The following RBPJ variants were observed in gnomAD, a reference collection of about 807,000 sequenced individuals.
RBPJ encodes the protein recombining binding protein suppressor of hairless.
Under a neutral mutation model 67.8 loss-of-function variants are expected in RBPJ, and 9 were observed. The observed-to-expected ratio is 0.13, with a 90% CI of 0.08 to 0.23. The LOEUF (loss-of-function observed/expected upper bound fraction) is 0.23, where lower values mean the gene tolerates loss of function less well. Among genes scored for constraint, RBPJ ranks in the 10% least tolerant of loss-of-function variants. The probability of loss-of-function intolerance (pLI) is 1.00; values close to 1 mark genes in which losing one functional copy is unlikely to be tolerated. For synonymous variants in RBPJ, 198 were observed against 203.3 expected, an observed-to-expected ratio of 0.97 and a Z score of 0.22; for missense variants, 305 against 595.6, an observed-to-expected ratio of 0.51 and a Z score of 5.08.
the RBPJ span, among the ~76,000 whole-genome samples, chr4:26,145,028 C>CTTTT: frequency 6.8e-5 from 10 of 146,678 alleles, no homozygotes; most frequent in African/African-American, 1.5e-4. Context: ...TCTTCTTCTT[C>CTTTT]TTTTTTTTTT....
intron 1 of RBPJ, among the ~76,000 whole-genome samples, chr4:26,273,362 TA>T (rs1389373164): frequency 1.3e-5 from 2 of 152,234 alleles, no homozygotes; most frequent in African/African-American, 4.8e-5. Flanking sequence ...TACCACTTTA[TA>T]AAATTCAAAT....
intron 1 of RBPJ, among the ~76,000 whole-genome samples, chr4:26,241,759 G>A (rs181310785): frequency 4.6e-4 from 70 of 152,072 alleles, no homozygotes; most frequent in African/African-American, 1.6e-3. Flanking sequence ...TGATCTGCCC[G>A]CCCAGACCTC....
At chr4:26,219,410 T>G (rs1195771298) in intron 1 of RBPJ, among the ~76,000 whole-genome samples, 3 of 152,220 alleles carry the variant, frequency 2.0e-5, no homozygotes, top group African/African-American at 4.8e-5. Flanking sequence ...TGGTGCTATC[T>G]CCTGTCACTG....
intron 1 of RBPJ, among the ~76,000 whole-genome samples, chr4:26,361,663 T>C (rs1728075073): frequency 1.3e-5 from 2 of 152,218 alleles, no homozygotes; most frequent in African/African-American, 2.4e-5. Context: ...AATATATTTA[T>C]TGATCAGTTA....
At chr4:26,375,521 G>C (rs749948648) in intron 1 of RBPJ, among the ~76,000 whole-genome samples, 4 of 152,194 alleles carry the variant, frequency 2.6e-5, no homozygotes, top group Non-Finnish European at 4.4e-5. Flanking sequence ...CAGAATCTAG[G>C]AGAACAGTTA....
chr4:26,255,286 C>T (rs1333098825), intron 1 of RBPJ, among the ~76,000 whole-genome samples: 8 of 135,620 alleles, frequency 5.9e-5, no homozygotes, highest in East Asian at 2.2e-4. Context: ...CGCCTGTAGT[C>T]CCAGCTACTC....
At chr4:26,324,891 CTG>C (rs1187121244) in intron 1 of RBPJ, among the ~76,000 whole-genome samples, 12 of 152,178 alleles carry the variant, frequency 7.9e-5, no homozygotes, top group Admixed American at 7.2e-4. Context: ...TAAGCCAAGT[CTG>C]TTAATAGCAG....
intron 1 of RBPJ, among the ~76,000 whole-genome samples, chr4:26,360,913 T>C (rs1000655716): frequency 4.0e-5 from 6 of 150,986 alleles, no homozygotes; most frequent in African/African-American, 1.5e-4. Flanking sequence ...CCCGGCCTCA[T>C]AGGGTTTTTA....
chr4:26,240,181 A>C (rs753898125), intron 1 of RBPJ, among the ~76,000 whole-genome samples: 2 of 152,176 alleles, frequency 1.3e-5, no homozygotes, highest in African/African-American at 2.4e-5. Context: ...CTATACCCCA[A>C]CATCGCATGA....
chr4:26,351,335 T>G (rs1726779011), intron 1 of RBPJ, among the ~76,000 whole-genome samples: 1 of 152,074 alleles, frequency 6.6e-6, no homozygotes, highest in African/African-American at 2.4e-5. Context: ...GACACAGAAG[T>G]TTTTGATCAC....
intron 3 of RBPJ, among the ~76,000 whole-genome samples, chr4:26,410,942 A>G (rs1733949709): frequency 6.6e-6 from 1 of 152,236 alleles, no homozygotes; most frequent in African/African-American, 2.4e-5. Flanking sequence ...GCTGCTAGGG[A>G]AGATGAGAAA....
Position 26,237,103 on chromosome 4 carries a change from C to A in RBPJ, c.-167+73489C>A, listed in dbSNP as rs1340939146. On this transcript the variant is annotated intron_variant, in intron 1 of 4. Transcript: ENST00000512351. ...CATCTGGGTGCCGGGCTCCTGAGTA[C>A]CAACAGCAGCTGGTTGGCCCTGGCA... Among the ~76,000 whole-genome samples, 4 of 152,218 alleles carry A rather than the reference C, an allele frequency of 2.6e-5. No individual in the cohort carries two copies. In the East Asian group the frequency reaches 5.8e-4, roughly 22 times the overall value.
upstream of RBPJ, among the ~76,000 whole-genome samples, chr4:26,161,553 C>A (rs532984405): frequency 8.5e-5 from 13 of 152,356 alleles, no homozygotes; most frequent in Admixed American, 7.2e-4. Flanking sequence ...CAGCTACACA[C>A]TGACCCAGAT....
At chr4:26,349,604 C>T (rs1005721197) in intron 1 of RBPJ, among the ~76,000 whole-genome samples, 1 of 152,216 alleles carries the variant, frequency 6.6e-6, no homozygotes, top group African/African-American at 2.4e-5. Flanking sequence ...TAGCATACTA[C>T]AGGCAGCTAT....
rs541798162 is a variant in RBPJ, at chr4:26,310,911, C to G, written c.-166-51535C>G. 1.3e-5 allele frequency among the ~76,000 whole-genome samples: 2 copies of G among 152,216 alleles called. 1 individual carries two copies. Among genetic ancestry groups the G allele is most frequent in the East Asian group, 3.9e-4 (2 of 5,162 alleles). ...TCTTGAACTCCTGACCTCACGTGATCCGCCCGCCTCAGCGTCCCCAAGTGC... is the reference window on the plus strand; with the variant it reads ...TCTTGAACTCCTGACCTCACGTGATGCGCCCGCCTCAGCGTCCCCAAGTGC... On this transcript the variant is annotated intron_variant, in intron 1 of 4. Coordinates refer to the RBPJ transcript ENST00000512351.
chr4:26,318,141 AC>A, upstream of RBPJ, among the ~76,000 whole-genome samples: 1 of 152,192 alleles, frequency 6.6e-6, no homozygotes, highest in East Asian at 1.9e-4. Context: ...ACACACACAC[AC>A]ACACACACCC....
At chr4:26,147,954 T>C in the RBPJ span, among the ~76,000 whole-genome samples, 4 of 152,302 alleles carry the variant, frequency 2.6e-5, no homozygotes, top group South Asian at 8.3e-4. Flanking sequence ...TTGTTAGAAA[T>C]GCACATTTCA....
chr4:26,380,594 C>T (rs533200646), intron 1 of RBPJ, among the ~76,000 whole-genome samples: 18 of 152,118 alleles, frequency 1.2e-4, no homozygotes, highest in African/African-American at 4.3e-4. Context: ...TTTTCTTCTT[C>T]TGGTTCATAT....
intron 1 of RBPJ, among the ~76,000 whole-genome samples, chr4:26,369,159 C>G (rs1172355466): frequency 6.6e-6 from 1 of 152,192 alleles, no homozygotes; most frequent in Non-Finnish European, 1.5e-5. Context: ...CATGGCAGAA[C>G]AGGTCATACT....
Sources: gnomAD v4.1 joint callset for allele counts (sites outside exome capture counted in the v4.1 genomes callset) on GRCh38, gnomAD v4.1.1 for gene constraint, MANE v1.5 for transcripts, NCBI Gene and HGNC (gene_info 2026-07-23, HGNC 2026-07-21) for gene names.